Variants in SCN11A observed in about 807,000 individuals in gnomAD.
SCN11A encodes the protein sodium voltage-gated channel alpha subunit 11.
In SCN11A, 122 loss-of-function variants were observed where a neutral mutation model predicts 162.2. That is an observed-to-expected ratio of 0.75 (90% CI 0.65 to 0.87). The LOEUF (loss-of-function observed/expected upper bound fraction) is 0.87. Among genes scored for constraint, SCN11A ranks in the 40% least tolerant of loss-of-function variants. The pLI is 0.00. For missense variants in SCN11A, 2,015 were observed against 2,181.6 expected (o/e 0.92, Z 1.52); for synonymous variants, 758 against 751.5 (o/e 1.01, Z -0.14).
At chr3:38,998,045 A>C (rs2030697018) in intron 2 of SCN11A, among the ~76,000 whole-genome samples, 1 of 152,242 alleles carries the variant, frequency 6.6e-6, no homozygotes, top group African/African-American at 2.4e-5. Flanking sequence ...TTCCAAAAAC[A>C]GAGGGATTCT....
chr3:38,875,437 T>C (rs762962465), intron 23 of SCN11A, among the ~76,000 whole-genome samples: 1 of 152,108 alleles, frequency 6.6e-6, no homozygotes, highest in Admixed American at 6.6e-5. Flanking sequence ...CTTGATGATA[T>C]GATTGTATAC....
At chr3:39,040,180 T>C (rs1228745001) in intron 1 of SCN11A, among the ~76,000 whole-genome samples, 1 of 152,226 alleles carries the variant, frequency 6.6e-6, no homozygotes, top group Non-Finnish European at 1.5e-5. Context: ...ATAGCCTCCA[T>C]AAATGTCAAC....
At chr3:38,883,171 C>A in intron 22 of SCN11A, 62 bp downstream of exon 22, 1 of 1,464,150 alleles carries the variant, frequency 6.8e-7, no homozygotes, top group South Asian at 1.3e-5. Context: ...GAAGCCAAGT[C>A]AGAGTGCAGC....
At chr3:38,851,088 T>C (rs1247850997) in intron 28 of SCN11A, among the ~76,000 whole-genome samples, 1 of 152,194 alleles carries the variant, frequency 6.6e-6, no homozygotes, top group Non-Finnish European at 1.5e-5. Context: ...CATGTTGGAT[T>C]TAATAATAAA....
At chr3:38,848,393 T>C (rs1263120676) in intron 29 of SCN11A, among the ~76,000 whole-genome samples, 2 of 152,140 alleles carry the variant, frequency 1.3e-5, no homozygotes, top group African/African-American at 4.8e-5. Flanking sequence ...CTAGGGTTGT[T>C]AGGGGTCATG....
rs2066692034 is a variant in SCN11A at position 38,957,150 on chromosome 3, T to G, written c.-139+3133A>C. ...AATGATTATTTTGTCAATTGAAAAT[T>G]AAATAGTCCCTGGGCATAGTAGTTC... On this transcript the variant is annotated intron_variant, in intron 3 of 29. Coordinates refer to ENST00000302328, the MANE Select transcript of SCN11A (RefSeq NM_001349253.2). Among the ~76,000 whole-genome samples the G allele has an allele frequency of 4.6e-5, 7 of 152,096 alleles. No individual in the cohort carries two copies. In the South Asian group the frequency reaches 1.5e-3, roughly 32 times the overall value.
intron 2 of SCN11A, among the ~76,000 whole-genome samples, chr3:38,992,659 C>A (rs2030488062): frequency 6.6e-6 from 1 of 152,172 alleles, no homozygotes; most frequent in Non-Finnish European, 1.5e-5. Flanking sequence ...TCATGCTAAA[C>A]CTCTTTCATA....
At chr3:38,888,605 T>A (rs1379498485) in intron 19 of SCN11A, among the ~76,000 whole-genome samples, 1 of 152,232 alleles carries the variant, frequency 6.6e-6, no homozygotes, top group Non-Finnish European at 1.5e-5. Flanking sequence ...TTTCACTTCC[T>A]GGATGATAGC....
At chr3:38,952,646 A>T (rs1279193325) in intron 4 of SCN11A, among the ~76,000 whole-genome samples, 1 of 152,242 alleles carries the variant, frequency 6.6e-6, no homozygotes, top group Non-Finnish European at 1.5e-5. Context: ...GGCTATGTCT[A>T]TGCATAGGAT....
At chr3:38,992,437 A>G (rs6799663) in intron 2 of SCN11A, among the ~76,000 whole-genome samples, 5,386 of 152,302 alleles carry the variant, frequency 0.035, 307 homozygotes, top group African/African-American at 0.12. Flanking sequence ...TTTACTAAAT[A>G]TAACTGCTGA....
At chr3:39,000,331 G>T (rs886938517) in intron 2 of SCN11A, among the ~76,000 whole-genome samples, 2 of 152,120 alleles carry the variant, frequency 1.3e-5, no homozygotes, top group Non-Finnish European at 2.9e-5. Flanking sequence ...GGTAGAGCTT[G>T]GTTTTACAAG....
Position 38,908,047 on chromosome 3 carries a change from TTC to T in SCN11A, c.1373_1374del (p.Arg458LysfsTer5). 3.1e-6 allele frequency: 5 copies of T among 1,613,594 alleles called. No individual in the cohort carries two copies. The highest frequency in any genetic ancestry group is 4.2e-6 in the Non-Finnish European group (5 of 1,179,744). ...LETSYFTPKK[R>X]KLFGNKKRKS... ...TTCCTTTTCTTATTACCAAAGAGCT[TTC>T]TCTTTTTTGGGGTAAAATATGATGT... is the stretch of plus-strand genomic sequence containing the variant. On this transcript the variant is annotated frameshift_variant, in exon 14 of 30. Transcript: ENST00000302328. LOFTEE classifies it high-confidence loss of function.
At position 39,051,869 on chromosome 3, in the gene SCN11A, A is replaced by G. The variant is rs1575377157; in HGVS notation, c.-412T>C. The G allele has an allele frequency of 1.2e-6, 1 of 838,774 alleles. No homozygotes were observed. The highest frequency in any genetic ancestry group is 2.8e-5 in the East Asian group (1 of 36,114). The allele number at this position is 838,774 out of a possible 1,614,324, so 52.0% of individuals were successfully genotyped here. The stretch of plus-strand genomic sequence containing the variant: ...TTTTTAGGTGCATCTACCTCATCAC[A>G]TGGCTACCGGCCACACAGCAACTAA... On this transcript the variant is annotated 5_prime_UTR_variant, in exon 1 of 30. The change abolishes an upstream ATG in the 5' untranslated region. Coordinates refer to ENST00000302328, the MANE Select transcript of SCN11A (RefSeq NM_001349253.2).
rs1166174026 is a variant in SCN11A, at chr3:38,905,256, A to G, written c.1539T>C (p.His513=). 6.2e-7 allele frequency: 1 copy of G among 1,614,130 alleles called. No homozygotes were observed. The highest frequency in any genetic ancestry group is 8.5e-7 in the Non-Finnish European group (1 of 1,179,978). The change falls in exon 15 of 30, where the codon CAT becomes CAC. Residue 513 remains histidine (H), a synonymous_variant. Transcript: ENST00000302328. ...CTCTCTGCCTTTGGAGAGGATCTCCATGCTCATCAAAGTGGTCCAGTGATA... is the reference window on the plus strand; with the variant it reads ...CTCTCTGCCTTTGGAGAGGATCTCCGTGCTCATCAAAGTGGTCCAGTGATA... ...QNLSLDHFDE[H]GDPLQRQRAL... is the part of the protein sequence containing the mutation.
intron 17 of SCN11A, among the ~76,000 whole-genome samples, chr3:38,897,956 C>G (rs564212090): frequency 3.9e-5 from 6 of 152,030 alleles, no homozygotes; most frequent in Non-Finnish European, 8.8e-5. Context: ...AATAATCAGG[C>G]CAGGCACAGT....
At chr3:38,916,940 T>C (rs1373773032) in intron 11 of SCN11A, among the ~76,000 whole-genome samples, 2 of 152,204 alleles carry the variant, frequency 1.3e-5, no homozygotes, top group African/African-American at 4.8e-5. Flanking sequence ...AAGCATGTTG[T>C]GATCACTGTG....
chr3:39,051,446 A>AG (rs1187603533), intron 1 of SCN11A, among the ~76,000 whole-genome samples: 1 of 152,180 alleles, frequency 6.6e-6, no homozygotes, highest in East Asian at 1.9e-4. Context: ...GTCCCTACAA[A>AG]GGACATGATC....
chr3:38,897,367 G>A, intron 17 of SCN11A, 142 bp from the exon 18 acceptor site: 1 of 735,674 alleles, frequency 1.4e-6, no homozygotes, highest in Non-Finnish European at 2.2e-6. Flanking sequence ...CCTGAACATA[G>A]CCATCAGATC....
chr3:38,906,372 C>A (rs1362285016), intron 14 of SCN11A, among the ~76,000 whole-genome samples: 1 of 152,060 alleles, frequency 6.6e-6, no homozygotes, highest in African/African-American at 2.4e-5. Context: ...TTCATTTCTG[C>A]ACATCACGCT....
Sources: gnomAD v4.1 joint callset for allele counts (sites outside exome capture counted in the v4.1 genomes callset) on GRCh38, gnomAD v4.1.1 for gene constraint, MANE v1.5 for transcripts, NCBI Gene and HGNC (gene_info 2026-07-23, HGNC 2026-07-21) for gene names.